The following SYNE1 variants were observed in gnomAD, a reference collection of about 807,000 sequenced individuals.
SYNE1 encodes the protein nesprin-1.
A neutral mutation model predicts 1,111.0 loss-of-function variants in SYNE1; 616 were observed. The ratio of observed to expected loss-of-function variants is 0.55; its 90% CI spans 0.52 to 0.59. The LOEUF is 0.59. SYNE1 is among the 20% of genes least tolerant of loss of function. The probability of loss-of-function intolerance (pLI) is 0.00; values close to 1 mark genes in which losing one functional copy is unlikely to be tolerated. For missense variants in SYNE1, 10,006 were observed against 10,417.0 expected (o/e 0.96, Z 1.72); for synonymous variants, 3,855 against 3,825.8 (o/e 1.01, Z -0.28).
At position 152,452,865 on chromosome 6, in the gene SYNE1, C is replaced by T. The variant is rs534249468; in HGVS notation, c.3027+721G>A. On this transcript the variant is annotated intron_variant, in intron 25 of 145. Transcript: ENST00000367255. ...CCGCGGGCCCCCGTGTCCCGCTTCA[C>T]GCTCTCCTGCTTTCTCCCTTCTGTG... Among the ~76,000 whole-genome samples the T allele has an allele frequency of 1.4e-3, 211 of 152,354 alleles. 1 individual carries two copies. Among genetic ancestry groups the T allele is most frequent in the Middle Eastern group, 3.4e-3 (1 of 294 alleles).
intron 128 of SYNE1, 48 bp downstream of exon 128, chr6:152,189,204 C>T: frequency 6.2e-7 from 1 of 1,605,852 alleles, no homozygotes. Flanking sequence ...AAATTCATCT[C>T]CCAATTTTCC....
chr6:152,405,968 T>C (rs17082645), intron 45 of SYNE1, among the ~76,000 whole-genome samples: 4,857 of 152,040 alleles, frequency 0.032, 108 homozygotes, highest in African/African-American at 0.056. Flanking sequence ...CATAGCCCAA[T>C]TACTACTTGA....
At chr6:152,593,729 C>A (rs567732526) in intron 3 of SYNE1, among the ~76,000 whole-genome samples, 1 of 152,062 alleles carries the variant, frequency 6.6e-6, no homozygotes, top group African/African-American at 2.4e-5. Context: ...TTGATGGTGC[C>A]ATTTGTAAAC....
chr6:152,295,796 A>G (rs2094850046), intron 93 of SYNE1, among the ~76,000 whole-genome samples: 1 of 152,178 alleles, frequency 6.6e-6, no homozygotes, highest in African/African-American at 2.4e-5. Context: ...AGACTCTGAG[A>G]ATCCCATAAA....
At chr6:152,277,484 C>T (rs1276063776) in intron 98 of SYNE1, 2 of 148,174 alleles carry the variant, frequency 1.3e-5, no homozygotes, top group Non-Finnish European at 3.0e-5. Flanking sequence ...GATGGGGTTT[C>T]ACCATGTTAG....
At chr6:152,592,890 T>C (rs2099570942) in intron 3 of SYNE1, among the ~76,000 whole-genome samples, 1 of 152,114 alleles carries the variant, frequency 6.6e-6, no homozygotes, top group South Asian at 2.1e-4. Context: ...CCAGTGTGAG[T>C]GAGTGTGGGT....
At chr6:152,124,991 A>T (rs1332677535) in intron 145 of SYNE1, among the ~76,000 whole-genome samples, 1 of 152,224 alleles carries the variant, frequency 6.6e-6, no homozygotes. Context: ...TTCATTTTAC[A>T]GATGATGTGA....
intron 3 of SYNE1, among the ~76,000 whole-genome samples, chr6:152,566,680 C>G (rs994691428): frequency 6.6e-6 from 1 of 152,122 alleles, no homozygotes; most frequent in African/African-American, 2.4e-5. Flanking sequence ...ACCACAGATG[C>G]ATTTTCAGCA....
intron 135 of SYNE1, among the ~76,000 whole-genome samples, chr6:152,151,119 G>T (rs1351354594): frequency 1.3e-5 from 2 of 152,044 alleles, no homozygotes; most frequent in African/African-American, 4.8e-5. Context: ...CTCCTTGGCA[G>T]GCTGAGGCAG....
intron 3 of SYNE1, among the ~76,000 whole-genome samples, chr6:152,594,149 A>G (rs538638728): frequency 1.3e-5 from 2 of 152,180 alleles, no homozygotes; most frequent in African/African-American, 4.8e-5. Flanking sequence ...AAGTCCCATA[A>G]AGTCTACTGG....
chr6:152,369,283 A>G (rs1218692562), intron 60 of SYNE1, 156 bp from the exon 61 acceptor site: 1 of 1,345,592 alleles, frequency 7.4e-7, no homozygotes, highest in African/African-American at 1.4e-5. Flanking sequence ...AGCACAAATC[A>G]TGGAAGGAAA....
At chr6:152,618,244 G>A (rs145472074) in intron 3 of SYNE1, among the ~76,000 whole-genome samples, 2 of 152,314 alleles carry the variant, frequency 1.3e-5, no homozygotes, top group Non-Finnish European at 2.9e-5. Flanking sequence ...AATAATCTGT[G>A]AGAAGCCCCA....
intron 115 of SYNE1, among the ~76,000 whole-genome samples, chr6:152,226,692 A>G (rs775625574): frequency 1.4e-4 from 21 of 152,348 alleles, no homozygotes; most frequent in Admixed American, 6.5e-4. Flanking sequence ...CATTTTATAA[A>G]TAAATAAATT....
chr6:152,635,987 G>T (rs564511833), intron 2 of SYNE1, among the ~76,000 whole-genome samples: 8 of 152,156 alleles, frequency 5.3e-5, no homozygotes, highest in Non-Finnish European at 1.0e-4. Context: ...ATGCCTGCCC[G>T]TTGGGATGCA....
chr6:152,606,976 C>CTTTTT lies in SYNE1; in HGVS notation c.67+21288_67+21289insAAAAA, dbSNP rs11387272. On this transcript the variant is annotated intron_variant, in intron 3 of 145. Coordinates refer to ENST00000367255, the MANE Select transcript of SYNE1 (RefSeq NM_182961.4). ...GCAAAAGGAAAGGCATGCCTCGGTT[C>CTTTTT]TCTTTTTTTTTTTTTTTTTTTTTTT... Among the ~76,000 whole-genome samples the CTTTTT allele has an allele frequency of 6.8e-4, 74 of 109,118 alleles. 5 individuals are homozygous for CTTTTT. The highest frequency in any genetic ancestry group is 9.7e-4 in the African/African-American group (26 of 26,800). The allele number at this position is 109,118 out of a possible 152,430, so 71.6% of individuals were successfully genotyped here.
intron 143 of SYNE1, among the ~76,000 whole-genome samples, chr6:152,132,676 T>C (rs2056088468): frequency 6.6e-6 from 1 of 152,126 alleles, no homozygotes; most frequent in African/African-American, 2.4e-5. Flanking sequence ...CTATTCAGAG[T>C]AGATTGTTCT....
chr6:152,550,762 G>T (rs1417512656), intron 3 of SYNE1, among the ~76,000 whole-genome samples: 1 of 151,938 alleles, frequency 6.6e-6, no homozygotes, highest in African/African-American at 2.4e-5. Flanking sequence ...TGATTGCAAG[G>T]TGCTGCCACA....
intron 45 of SYNE1, 122 bp from the exon 46 acceptor site, chr6:152,404,436 A>AG: frequency 5.5e-6 from 4 of 729,246 alleles, no homozygotes; most frequent in Non-Finnish European, 9.5e-6. Flanking sequence ...GTAAAAAAAA[A>AG]TCTGTTTCAT....
At chr6:152,159,812 A>C (rs2062081496) in intron 131 of SYNE1, among the ~76,000 whole-genome samples, 1 of 152,110 alleles carries the variant, frequency 6.6e-6, no homozygotes, top group Non-Finnish European at 1.5e-5. Flanking sequence ...TCTATTTCTA[A>C]GTAACATAGC....
Sources: gnomAD v4.1 joint callset for allele counts (sites outside exome capture counted in the v4.1 genomes callset) on GRCh38, gnomAD v4.1.1 for gene constraint, MANE v1.5 for transcripts, NCBI Gene and HGNC (gene_info 2026-07-23, HGNC 2026-07-21) for gene names.